Variants in BEAN1 observed in about 807,000 individuals in gnomAD.
The protein encoded by BEAN1 is brain expressed associated with NEDD4 1, also known as protein BEAN1.
In BEAN1, 17 loss-of-function variants were observed where a neutral mutation model predicts 17.7. The observed-to-expected ratio is 0.96, with a 90% CI of 0.66 to 1.44. The LOEUF is 1.44. Ranked by LOEUF, BEAN1 falls within the 40% of genes most tolerant of loss-of-function variation. The pLI is 0.00. For synonymous variants in BEAN1, 142 were observed against 151.8 expected (o/e 0.94, Z 0.47); for missense variants, 359 against 374.1 (o/e 0.96, Z 0.33).
chr16:66,442,613 T>C (rs1962300314), intron 2 of BEAN1, among the ~76,000 whole-genome samples: 1 of 152,142 alleles, frequency 6.6e-6, no homozygotes, highest in African/African-American at 2.4e-5. Context: ...ATATACAGTG[T>C]GTGGGTTCCA....
intron 2 of BEAN1, among the ~76,000 whole-genome samples, chr16:66,466,758 G>A (rs544493006): frequency 7.4e-4 from 113 of 152,168 alleles, no homozygotes; most frequent in Non-Finnish European, 1.0e-3. Flanking sequence ...TAGTAGAGAC[G>A]GAATTTCACC....
chr16:66,435,785 C>A (rs1271626360), intron 1 of BEAN1, among the ~76,000 whole-genome samples: 5 of 152,162 alleles, frequency 3.3e-5, no homozygotes, highest in Non-Finnish European at 1.5e-5. Flanking sequence ...CCACGCCTGG[C>A]CAAAATAACT....
At chr16:66,436,842 A>G (rs1962043376) in intron 1 of BEAN1, among the ~76,000 whole-genome samples, 1 of 152,012 alleles carries the variant, frequency 6.6e-6, no homozygotes, top group South Asian at 2.1e-4. Context: ...TCAGGTTCAT[A>G]CTGGGGGGCG....
At chr16:66,479,428 C>G (rs1033276624) in intron 4 of BEAN1, among the ~76,000 whole-genome samples, 9 of 152,202 alleles carry the variant, frequency 5.9e-5, no homozygotes, top group Non-Finnish European at 1.3e-4. Flanking sequence ...TGGTCAGGCA[C>G]CCCCAAGGCT....
chr16:66,456,476 T>G (rs1039982794), intron 2 of BEAN1, among the ~76,000 whole-genome samples: 3 of 152,184 alleles, frequency 2.0e-5, no homozygotes, highest in African/African-American at 7.2e-5. Flanking sequence ...CCACTGGCAT[T>G]ATATTATATA....
At chr16:66,433,037 G>A (rs898322951) in intron 1 of BEAN1, among the ~76,000 whole-genome samples, 7 of 152,190 alleles carry the variant, frequency 4.6e-5, no homozygotes, top group African/African-American at 1.4e-4. Context: ...TCAAAGTGTG[G>A]CTCACCAGTC....
In BEAN1 at chr16:66,463,113, A is replaced by T. The variant is rs1280450944; in HGVS notation, c.26-6489A>T. 4.6e-5 allele frequency among the ~76,000 whole-genome samples: 7 copies of T among 152,302 alleles called. No homozygotes were observed. The East Asian group carries it at 1.4e-3, about 29-fold the overall frequency. ...GAGTAATACTCATGAATATTCATGT[A>T]CACATTTTTGTGTGGACTTATGTTT... is the stretch of plus-strand genomic sequence containing the variant. On this transcript the variant is annotated intron_variant, in intron 2 of 4. Coordinates refer to ENST00000536005, the MANE Select transcript of BEAN1 (RefSeq NM_001178020.3).
intron 2 of BEAN1, among the ~76,000 whole-genome samples, chr16:66,449,694 A>G (rs1962599971): frequency 6.6e-6 from 1 of 152,074 alleles, no homozygotes; most frequent in African/African-American, 2.4e-5. Flanking sequence ...GGTACCTCCA[A>G]TGCTTTAAAA....
intron 2 of BEAN1, among the ~76,000 whole-genome samples, chr16:66,462,850 A>T (rs1413009938): frequency 1.3e-5 from 2 of 152,196 alleles, no homozygotes; most frequent in Non-Finnish European, 2.9e-5. Context: ...AAGATCTAAC[A>T]ATCAAATGAG....
At chr16:66,475,965 C>A (rs1053300183) in intron 3 of BEAN1, 1 of 152,026 alleles carries the variant, frequency 6.6e-6, no homozygotes, top group African/African-American at 2.4e-5. Context: ...AAAAAATGAG[C>A]CGGGCGTGGT....
intron 3 of BEAN1, among the ~76,000 whole-genome samples, chr16:66,475,088 A>G (rs1434893270): frequency 6.6e-6 from 1 of 152,224 alleles, no homozygotes; most frequent in East Asian, 1.9e-4. Context: ...CGGGGTAAAC[A>G]GGAGGTTTCA....
At position 66,480,634 on chromosome 16, in the gene BEAN1, G is replaced by A. The variant is rs971508505; in HGVS notation, c.489G>A (p.Thr163=). Residue 163 remains threonine (T), a synonymous_variant, in exon 5 of 5, where the codon ACG becomes ACA. Transcript: ENST00000536005. Reference sequence around the variant, plus strand: ...GGGCCACTCAGCTGTATGTCCCCACGGACGCACCACCACCCTACTCGCTGA... The same window carrying A: ...GGGCCACTCAGCTGTATGTCCCCACAGACGCACCACCACCCTACTCGCTGA... ...GPGATQLYVP[T]DAPPPYSLTD... 68 of 1,550,818 alleles carry A rather than the reference G, an allele frequency of 4.4e-5. No homozygotes were observed. Among genetic ancestry groups the A allele is most frequent in the African/African-American group, 5.5e-5 (4 of 73,020 alleles).
chr16:66,468,449 A>C (rs1232750442), intron 2 of BEAN1, among the ~76,000 whole-genome samples: 1 of 152,196 alleles, frequency 6.6e-6, no homozygotes, highest in Non-Finnish European at 1.5e-5. Context: ...TGAATGTCTG[A>C]AGCTGGCTCC....
chr16:66,437,634 G>A lies in BEAN1; in HGVS notation c.-43G>A, dbSNP rs1217807315. The A allele has an allele frequency of 6.5e-7, 1 of 1,532,554 alleles. No homozygotes were observed. Among genetic ancestry groups the A allele is most frequent in the East Asian group, 2.4e-5 (1 of 40,880 alleles). 94.9% of individuals were successfully genotyped at this position (1,532,554 alleles called of 1,614,324 possible). On this transcript the variant is annotated 5_prime_UTR_variant, in exon 2 of 5. Transcript: ENST00000536005. ...CTTCCCTGCGAGAAGTCAGAGCTGT[G>A]CCCGTGGGCAGGCTGGCTCCGCTGT...
intron 4 of BEAN1, among the ~76,000 whole-genome samples, chr16:66,478,456 G>A (rs545120892): frequency 2.6e-5 from 4 of 152,180 alleles, no homozygotes; most frequent in East Asian, 1.9e-4. Flanking sequence ...CAAAAAATTC[G>A]CCGGGCGTGG....
intron 2 of BEAN1, among the ~76,000 whole-genome samples, chr16:66,456,405 C>G (rs962946102): frequency 3.3e-5 from 5 of 152,154 alleles, no homozygotes; most frequent in Non-Finnish European, 7.3e-5. Flanking sequence ...AGCCAGCCCC[C>G]CAGAATCTGC....
chr16:66,448,986 G>C (rs1375710667), intron 2 of BEAN1, among the ~76,000 whole-genome samples: 1 of 152,108 alleles, frequency 6.6e-6, no homozygotes, highest in South Asian at 2.1e-4. Flanking sequence ...CTCCAGCCTG[G>C]GTAACAGAGT....
At chr16:66,439,476 G>C (rs978197751) in intron 2 of BEAN1, among the ~76,000 whole-genome samples, 28 of 152,324 alleles carry the variant, frequency 1.8e-4, no homozygotes, top group African/African-American at 5.8e-4. Context: ...TCAAGGCTGG[G>C]GATGCTGAGT....
intron 4 of BEAN1, among the ~76,000 whole-genome samples, chr16:66,490,464 A>AAAAAAATAAAATAAAATAAAATAAAAT (rs1964161798): frequency 8.1e-6 from 1 of 123,218 alleles, no homozygotes; most frequent in Non-Finnish European, 1.6e-5. Flanking sequence ...TAATAAAATA[A>AAAAAAATAAAATAAAATAAAATAAAAT]AAAGAAACCT....
Sources: gnomAD v4.1 joint callset for allele counts (sites outside exome capture counted in the v4.1 genomes callset) on GRCh38, gnomAD v4.1.1 for gene constraint, MANE v1.5 for transcripts, NCBI Gene and HGNC (gene_info 2026-07-23, HGNC 2026-07-21) for gene names.